Variants in CA10 observed in about 807,000 individuals in gnomAD.
CA10 encodes carbonic anhydrase-related protein 10.
In CA10, 14 loss-of-function variants were observed where a neutral mutation model predicts 44.2. The observed-to-expected ratio is 0.32, with a 90% CI of 0.21 to 0.50. The LOEUF is 0.50. CA10 is among the 20% of genes least tolerant of loss of function. The pLI is 0.99. For missense variants in CA10, 350 were observed against 409.7 expected (o/e 0.85, Z 1.26); for synonymous variants, 159 against 141.6 (o/e 1.12, Z -0.87).
At chr17:51,770,159 G>A (rs1458805439) in intron 3 of CA10, among the ~76,000 whole-genome samples, 1 of 149,352 alleles carries the variant, frequency 6.7e-6, no homozygotes, top group African/African-American at 2.5e-5. Flanking sequence ...GGGTGTGCCT[G>A]TCTGTTTTTA....
intron 2 of CA10, among the ~76,000 whole-genome samples, chr17:52,062,770 A>G (rs1335824471): frequency 1.3e-5 from 2 of 152,312 alleles, no homozygotes; most frequent in East Asian, 1.9e-4. Context: ...ATTTCAGAGG[A>G]TGTATTGGAA....
At chr17:51,916,635 C>T (rs1255724564) in intron 3 of CA10, among the ~76,000 whole-genome samples, 1 of 152,144 alleles carries the variant, frequency 6.6e-6, no homozygotes, top group Non-Finnish European at 1.5e-5. Flanking sequence ...ACTGTAGGTC[C>T]ATTGAACCTC....
intron 1 of CA10, among the ~76,000 whole-genome samples, chr17:52,074,516 C>G (rs1387912350): frequency 6.6e-6 from 1 of 152,134 alleles, no homozygotes; most frequent in Non-Finnish European, 1.5e-5. Flanking sequence ...ACCATAAATC[C>G]AGCCTTCTCT....
chr17:52,119,123 G>A (rs566238346), intron 1 of CA10, among the ~76,000 whole-genome samples: 51 of 149,178 alleles, frequency 3.4e-4, no homozygotes, highest in African/African-American at 1.2e-3. Flanking sequence ...GCTATTTATG[G>A]CCTTTAATAA....
At chr17:52,054,761 A>C (rs891965625) in intron 2 of CA10, among the ~76,000 whole-genome samples, 1 of 152,028 alleles carries the variant, frequency 6.6e-6, no homozygotes, top group African/African-American at 2.4e-5. Flanking sequence ...ATCGGGGGTG[A>C]ATTTCCCCCG....
chr17:52,060,013 C>A (rs561502425), intron 2 of CA10, among the ~76,000 whole-genome samples: 1 of 152,294 alleles, frequency 6.6e-6, no homozygotes, highest in South Asian at 2.1e-4. Flanking sequence ...AAAGATCAAT[C>A]TCTAGCCTTG....
At chr17:52,121,661 A>C (rs1989017847) in intron 1 of CA10, among the ~76,000 whole-genome samples, 1 of 88,884 alleles carries the variant, frequency 1.1e-5, no homozygotes, top group African/African-American at 4.7e-5. Flanking sequence ...TCTATCTCTA[A>C]ACACACACAC....
At chr17:51,874,904 A>T (rs1324505517) in intron 3 of CA10, among the ~76,000 whole-genome samples, 3 of 151,944 alleles carry the variant, frequency 2.0e-5, no homozygotes, top group African/African-American at 7.3e-5. Flanking sequence ...GGCATCCTGT[A>T]TAGGGTAGGG....
At chr17:51,801,891 A>T (rs1906947327) in intron 3 of CA10, among the ~76,000 whole-genome samples, 1 of 152,164 alleles carries the variant, frequency 6.6e-6, no homozygotes, top group African/African-American at 2.4e-5. Context: ...TTCTTTTTGA[A>T]GTCTCAATTT....
At chr17:51,899,459 T>C (rs1231257194) in intron 3 of CA10, among the ~76,000 whole-genome samples, 1 of 151,970 alleles carries the variant, frequency 6.6e-6, no homozygotes, top group Non-Finnish European at 1.5e-5. Flanking sequence ...GATGATGATA[T>C]TTTAATGTCA....
chr17:52,080,802 C>T (rs1360838848), intron 1 of CA10, among the ~76,000 whole-genome samples: 1 of 152,180 alleles, frequency 6.6e-6, no homozygotes, highest in Non-Finnish European at 1.5e-5. Context: ...CCAATTTACA[C>T]TCCTTTCAAG....
chr17:51,896,294 C>A (rs1981065979), intron 3 of CA10, among the ~76,000 whole-genome samples: 1 of 151,972 alleles, frequency 6.6e-6, no homozygotes, highest in Non-Finnish European at 1.5e-5. Context: ...TCTTTGTGTC[C>A]ACATATGCTC....
intron 1 of CA10, among the ~76,000 whole-genome samples, chr17:52,081,659 G>T (rs1987982203): frequency 6.6e-6 from 1 of 152,058 alleles, no homozygotes; most frequent in Non-Finnish European, 1.5e-5. Flanking sequence ...AATTAGCCGG[G>T]CGTAGTGGTG....
At chr17:52,150,307 T>C (rs1475070549) in intron 1 of CA10, among the ~76,000 whole-genome samples, 1 of 152,182 alleles carries the variant, frequency 6.6e-6, no homozygotes, top group Non-Finnish European at 1.5e-5. Context: ...GAGTCAGATG[T>C]CCCTTCTCTC....
At chr17:51,784,560 T>A (rs1356896140) in intron 3 of CA10, among the ~76,000 whole-genome samples, 1 of 152,174 alleles carries the variant, frequency 6.6e-6, no homozygotes, top group East Asian at 1.9e-4. Context: ...ACACTCAACC[T>A]CCATGAGAAC....
chr17:51,989,555 A>G (rs1450674693), intron 2 of CA10, among the ~76,000 whole-genome samples: 1 of 152,104 alleles, frequency 6.6e-6, no homozygotes, highest in Non-Finnish European at 1.5e-5. Flanking sequence ...ATCAACCTAA[A>G]TGTCCATCAG....
chr17:52,036,526 T>C (rs1453118696), intron 2 of CA10, among the ~76,000 whole-genome samples: 2 of 152,028 alleles, frequency 1.3e-5, no homozygotes, highest in Admixed American at 6.6e-5. Flanking sequence ...GAAGAATAAA[T>C]AGTCATCCAA....
rs112210747 is a variant in CA10 at position 51,916,056 on chromosome 17, C to A, written c.279+14934G>T. Among the ~76,000 whole-genome samples the A allele has an allele frequency of 8.1e-3, 1,225 of 152,128 alleles. 14 individuals are homozygous for A. The highest frequency in any genetic ancestry group is 0.028 in the African/African-American group (1,176 of 41,498). The stretch of plus-strand genomic sequence containing the variant: ...ATAAAGATCACATACTTGAAGAAGC[C>A]TAAAAGCTCCCCTCTATTTCCTCTC... On this transcript the variant is annotated intron_variant, in intron 3 of 8. Transcript: ENST00000451037.
chr17:51,912,561 G>A (rs572337276), intron 3 of CA10, among the ~76,000 whole-genome samples: 2 of 152,308 alleles, frequency 1.3e-5, no homozygotes, highest in African/African-American at 4.8e-5. Flanking sequence ...ACTAACATCA[G>A]TGTCAATGAT....
Sources: gnomAD v4.1 joint callset for allele counts (sites outside exome capture counted in the v4.1 genomes callset) on GRCh38, gnomAD v4.1.1 for gene constraint, MANE v1.5 for transcripts, NCBI Gene and HGNC (gene_info 2026-07-23, HGNC 2026-07-21) for gene names.